Variants in NBEA observed in about 807,000 individuals in gnomAD.
NBEA encodes neurobeachin, also known as lysosomal-trafficking regulator 2.
NBEA carries 44 observed loss-of-function variants against 343.4 expected under a neutral mutation model. That is an observed-to-expected ratio of 0.13 (90% CI 0.10 to 0.16). The LOEUF is 0.16. Among genes scored for constraint, NBEA ranks in the 10% least tolerant of loss-of-function variants. The pLI is 1.00. For synonymous variants in NBEA, 1,175 were observed against 1,238.7 expected (o/e 0.95, Z 1.08); for missense variants, 2,555 against 3,631.3 (o/e 0.70, Z 7.62).
chr13:35,139,057 C>CTTTTT lies in NBEA; in HGVS notation c.2337-3195_2337-3191dup, dbSNP rs36053692. Among the ~76,000 whole-genome samples, 126 of 97,876 alleles carry CTTTTT rather than the reference C, an allele frequency of 1.3e-3. 1 individual carries two copies. The highest frequency in any genetic ancestry group is 3.1e-3 in the African/African-American group (73 of 23,546). The allele number at this position is 97,876 out of a possible 152,430, so 64.2% of individuals were successfully genotyped here. On this transcript the variant is annotated intron_variant, in intron 17 of 58. Transcript: ENST00000379939. Reference sequence around the variant, plus strand: ...ACTCTGAATTTGTTACAAGAAATATCTTTTTTTTTTTTTTTTTTTTTGAGA... The same window carrying CTTTTT: ...ACTCTGAATTTGTTACAAGAAATATCTTTTTTTTTTTTTTTTTTTTTTTTTTGAGA...
chr13:35,351,742 G>A (rs958512295), intron 37 of NBEA, among the ~76,000 whole-genome samples: 2 of 151,930 alleles, frequency 1.3e-5, no homozygotes, highest in Non-Finnish European at 2.9e-5. Context: ...TACCATTCAT[G>A]AAATGGAAAA....
At chr13:35,124,713 TG>T (rs1176146591) in intron 17 of NBEA, among the ~76,000 whole-genome samples, 1 of 151,534 alleles carries the variant, frequency 6.6e-6, no homozygotes, top group South Asian at 2.1e-4. Flanking sequence ...CATATATGTA[TG>T]GATATATATA....
chr13:35,246,438 C>CCCAGA (rs2152782915), intron 34 of NBEA, among the ~76,000 whole-genome samples: 1 of 152,252 alleles, frequency 6.6e-6, no homozygotes. Context: ...AGATCTGGGG[C>CCCAGA]TCAAGGCTGC....
Position 34,966,135 on chromosome 13 carries a change from T to C in NBEA, c.294+23021T>C, listed in dbSNP as rs148787350. 4.0e-3 allele frequency among the ~76,000 whole-genome samples: 609 copies of C among 152,202 alleles called. 3 individuals carry two copies. The highest frequency in any genetic ancestry group is 0.014 in the African/African-American group (586 of 41,560). ...AGGCATTTGTATTCCCATTTGTATA[T>C]AAGAAAAATGAAGTTTGGTGGAATT... On this transcript the variant is annotated intron_variant, in intron 1 of 58. Transcript: ENST00000379939.
At chr13:35,093,754 G>A (rs776504070) in intron 10 of NBEA, among the ~76,000 whole-genome samples, 1 of 151,898 alleles carries the variant, frequency 6.6e-6, no homozygotes, top group Non-Finnish European at 1.5e-5. Flanking sequence ...TACTATAGTG[G>A]TGGCTGCCAT....
intron 21 of NBEA, among the ~76,000 whole-genome samples, chr13:35,157,774 G>A (rs1480681591): frequency 1.3e-5 from 2 of 151,870 alleles, no homozygotes; most frequent in Non-Finnish European, 2.9e-5. Context: ...AAATGAAATA[G>A]TGAATTAAAC....
chr13:35,016,014 T>G (rs2061645304), intron 1 of NBEA, among the ~76,000 whole-genome samples: 1 of 152,144 alleles, frequency 6.6e-6, no homozygotes, highest in African/African-American at 2.4e-5. Context: ...ACAGTTGCAT[T>G]AGAATTGAAG....
intron 1 of NBEA, among the ~76,000 whole-genome samples, chr13:35,022,585 A>G (rs1201614656): frequency 6.6e-6 from 1 of 152,120 alleles, no homozygotes; most frequent in Non-Finnish European, 1.5e-5. Flanking sequence ...ATTATCTAAA[A>G]TTCATTTATT....
At chr13:35,440,647 T>A (rs909194200) in intron 39 of NBEA, among the ~76,000 whole-genome samples, 11 of 151,824 alleles carry the variant, frequency 7.2e-5, no homozygotes, top group African/African-American at 2.7e-4. Flanking sequence ...TGTGGGGAAA[T>A]GGTATGAAGA....
At chr13:35,228,199 T>TA (rs2074769881) in intron 33 of NBEA, among the ~76,000 whole-genome samples, 1 of 152,104 alleles carries the variant, frequency 6.6e-6, no homozygotes, top group Non-Finnish European at 1.5e-5. Context: ...ACCATAATTG[T>TA]AAGCTTTTGT....
intron 38 of NBEA, 106 bp from the exon 39 acceptor site, chr13:35,432,163 T>C: frequency 3.3e-6 from 3 of 906,414 alleles, no homozygotes; most frequent in Non-Finnish European, 4.7e-6. Flanking sequence ...AAAATTATCT[T>C]AATTTTTCAA....
chr13:35,649,932 C>A, intron 52 of NBEA, 85 bp downstream of exon 52: 1 of 1,234,662 alleles, frequency 8.1e-7, no homozygotes, highest in Non-Finnish European at 1.1e-6. Flanking sequence ...CTGGGATTAG[C>A]TCATATCCCA....
At chr13:35,369,696 G>T (rs1301038296) in intron 38 of NBEA, among the ~76,000 whole-genome samples, 6 of 151,794 alleles carry the variant, frequency 4.0e-5, no homozygotes, top group Non-Finnish European at 8.9e-5. Flanking sequence ...TTTTTATGTT[G>T]ATTTTATAGC....
intron 1 of NBEA, among the ~76,000 whole-genome samples, chr13:34,980,955 C>T (rs2060336346): frequency 6.6e-6 from 1 of 151,934 alleles, no homozygotes; most frequent in Non-Finnish European, 1.5e-5. Context: ...ATAAAATTCA[C>T]GTGTTTTTAG....
chr13:35,292,612 C>T (rs550516315), intron 35 of NBEA, among the ~76,000 whole-genome samples: 4 of 152,078 alleles, frequency 2.6e-5, no homozygotes, highest in South Asian at 4.1e-4. Flanking sequence ...GCTCTACAGA[C>T]AGCCCTTTGT....
intron 9 of NBEA, 66 bp from the exon 10 acceptor site, chr13:35,070,653 G>A (rs2063830471): frequency 7.3e-7 from 1 of 1,373,652 alleles, no homozygotes; most frequent in Non-Finnish European, 9.9e-7. Flanking sequence ...AAGGTATTTG[G>A]AACAAGGAAA....
chr13:35,006,704 A>G (rs1161094833), intron 1 of NBEA, among the ~76,000 whole-genome samples: 1 of 152,028 alleles, frequency 6.6e-6, no homozygotes, highest in Non-Finnish European at 1.5e-5. Flanking sequence ...CGTTTAAAGG[A>G]TATATTCCTA....
Position 34,943,086 on chromosome 13 carries a change from G to T in NBEA, c.266G>T (p.Arg89Met). The T allele has an allele frequency of 6.2e-7, 1 of 1,613,702 alleles. No individual in the cohort carries two copies. Among genetic ancestry groups the T allele is most frequent in the Non-Finnish European group, 8.5e-7 (1 of 1,179,762 alleles). Residue 89 changes from arginine to methionine, a missense_variant, in exon 1 of 59, where the codon AGG (arginine) becomes ATG (methionine). Coordinates refer to ENST00000379939, the MANE Select transcript of NBEA (RefSeq NM_001385012.1). Reference protein sequence around the residue: ...GLIQVGEVSNRDIVETVLNLL... With the variant: ...GLIQVGEVSNMDIVETVLNLL... ...ATACAGGTCGGAGAGGTCAGCAACAGGGACATCGTGGAGACGGTGCTCAAC... is the reference window on the plus strand; with the variant it reads ...ATACAGGTCGGAGAGGTCAGCAACATGGACATCGTGGAGACGGTGCTCAAC...
intron 34 of NBEA, among the ~76,000 whole-genome samples, chr13:35,240,352 G>T (rs1377181514): frequency 6.6e-6 from 1 of 151,774 alleles, no homozygotes; most frequent in East Asian, 1.9e-4. Context: ...TTATCGTTTA[G>T]CACCCTTTAA....
Sources: allele counts gnomAD v4.1 joint callset (sites outside exome capture counted in the v4.1 genomes callset), GRCh38; gene constraint gnomAD v4.1.1; transcripts MANE v1.5; gene names NCBI Gene and HGNC (gene_info 2026-07-23, HGNC 2026-07-21).